Variants in ZC3H11A observed in about 807,000 individuals in gnomAD.
The protein encoded by ZC3H11A is zinc finger CCCH domain-containing protein 11A.
Under a neutral mutation model 90.8 loss-of-function variants are expected in ZC3H11A, and 22 were observed. That is an observed-to-expected ratio of 0.24 (90% CI 0.17 to 0.35). ZC3H11A has a LOEUF of 0.35. Ranked by LOEUF, ZC3H11A falls within the 10% of genes least tolerant of loss-of-function variation. The pLI, the probability that ZC3H11A is intolerant of heterozygous loss-of-function variation, is 1.00. For synonymous variants in ZC3H11A, 294 were observed against 339.8 expected (o/e 0.87, Z 1.48); for missense variants, 701 against 964.9 (o/e 0.73, Z 3.62).
chr1:203,833,683 T>G, intron 9 of ZC3H11A, 108 bp from the exon 10 acceptor site: 1 of 777,312 alleles, frequency 1.3e-6, no homozygotes, highest in East Asian at 3.4e-5. Context: ...TCAAGAGACT[T>G]TCTGGGTGGA....
chr1:203,825,555 C>T (rs1013292417), intron 4 of ZC3H11A, among the ~76,000 whole-genome samples: 1 of 151,668 alleles, frequency 6.6e-6, no homozygotes, highest in Non-Finnish European at 1.5e-5. Context: ...CTGTCTCAGC[C>T]TCCCGCATAG....
At chr1:203,832,940 A>G (rs900866120) in intron 9 of ZC3H11A, among the ~76,000 whole-genome samples, 1 of 152,202 alleles carries the variant, frequency 6.6e-6, no homozygotes, top group Non-Finnish European at 1.5e-5. Flanking sequence ...ATTAATAATT[A>G]GTACTATTCT....
At chr1:203,836,928 C>T (rs1684534486) in intron 10 of ZC3H11A, among the ~76,000 whole-genome samples, 1 of 152,152 alleles carries the variant, frequency 6.6e-6, no homozygotes, top group Non-Finnish European at 1.5e-5. Context: ...AGTCTTCATA[C>T]TAAAAAACTT....
In ZC3H11A at chr1:203,802,714, CTTT is replaced by C. The variant is rs150416242; in HGVS notation, c.-441_-439del. 7.6e-6 allele frequency: 1 copy of C among 131,660 alleles called. No homozygotes were observed. Among genetic ancestry groups the C allele is most frequent in the African/African-American group, 2.7e-5 (1 of 36,472 alleles). 8.2% of individuals were successfully genotyped at this position (131,660 alleles called of 1,614,324 possible). A position where few individuals can be genotyped will look rare whatever the true frequency, so the allele number is the denominator to read the frequency against. ...TCTCAAGTTCATCTTTAAATGAACT[CTTT>C]TTTTTTGTTTTTTTTTTGTTTTGTT... is the stretch of plus-strand genomic sequence containing the variant. On this transcript the variant is annotated 5_prime_UTR_variant, in exon 2 of 18. Transcript: ENST00000367210.
Position 203,819,093 on chromosome 1 carries a change from C to T in ZC3H11A, c.174+404C>T, listed in dbSNP as rs202098874. ...AAAAAAAAAAATATATATATATACA[C>T]ACACACACACACACACACACACACA... is the stretch of plus-strand genomic sequence containing the variant. On this transcript the variant is annotated intron_variant, in intron 4 of 17. Transcript: ENST00000367210. Among the ~76,000 whole-genome samples the T allele has an allele frequency of 6.9e-3, 364 of 52,724 alleles. 2 individuals carry two copies. The highest frequency in any genetic ancestry group is 0.01 in the African/African-American group (232 of 22,756). 34.6% of individuals were successfully genotyped at this position (52,724 alleles called of 152,430 possible). A position where few individuals can be genotyped will look rare whatever the true frequency, so the allele number is the denominator to read the frequency against.
intron 11 of ZC3H11A, among the ~76,000 whole-genome samples, chr1:203,838,844 T>C (rs1271879876): frequency 6.6e-6 from 1 of 151,220 alleles, no homozygotes; most frequent in Admixed American, 6.6e-5. Flanking sequence ...TCCCAGCTAC[T>C]TGGGAGGCTG....
chr1:203,845,206 A>C (rs1687561223), intron 12 of ZC3H11A, among the ~76,000 whole-genome samples: 1 of 152,154 alleles, frequency 6.6e-6, no homozygotes. Flanking sequence ...TGCCAGTGAC[A>C]TCCTTATTTC....
At position 203,804,353 on chromosome 1, in the gene ZC3H11A, C is replaced by T. The variant is rs986409599; in HGVS notation, c.-146+1337C>T. On this transcript the variant is annotated intron_variant, in intron 2 of 17. Transcript: ENST00000367210. The stretch of plus-strand genomic sequence containing the variant: ...ATTTTTAGTAGAGACGGGGTTTCAC[C>T]GTGTTAGACAGGATGGTCTCCATCT... 8.6e-5 allele frequency among the ~76,000 whole-genome samples: 13 copies of T among 152,020 alleles called. No homozygotes were observed. The South Asian group carries it at 2.5e-3, about 29-fold the overall frequency.
intron 3 of ZC3H11A, among the ~76,000 whole-genome samples, 180 bp downstream of exon 3, chr1:203,817,304 A>G (rs1553262262): frequency 6.6e-6 from 1 of 151,764 alleles, no homozygotes; most frequent in East Asian, 1.9e-4. Context: ...TTTTCTTTTC[A>G]TTTTATATAT....
At chr1:203,837,538 T>C (rs1394853414) in intron 10 of ZC3H11A, among the ~76,000 whole-genome samples, 1 of 151,864 alleles carries the variant, frequency 6.6e-6, no homozygotes, top group Non-Finnish European at 1.5e-5. Context: ...AGTATTATGA[T>C]CATAGCTCAC....
At chr1:203,819,007 T>A (rs1346532509) in intron 4 of ZC3H11A, among the ~76,000 whole-genome samples, 2 of 150,322 alleles carry the variant, frequency 1.3e-5, no homozygotes, top group African/African-American at 4.9e-5. Flanking sequence ...AGTTGGAGGT[T>A]GCAGTGAGCT....
intron 10 of ZC3H11A, among the ~76,000 whole-genome samples, chr1:203,834,379 C>A (rs1291601701): frequency 6.6e-6 from 1 of 152,092 alleles, no homozygotes; most frequent in Non-Finnish European, 1.5e-5. Flanking sequence ...TCAAGTGATC[C>A]TCCTGCCCCA....
At chr1:203,797,864 T>C in intron 1 of ZC3H11A, 1 of 1,536,090 alleles carries the variant, frequency 6.5e-7, no homozygotes, top group Non-Finnish European at 8.7e-7. Context: ...AAGAAAGTCT[T>C]TTTGAGAGCA....
intron 2 of ZC3H11A, among the ~76,000 whole-genome samples, chr1:203,813,647 A>G (rs547650912): frequency 4.6e-5 from 7 of 152,264 alleles, no homozygotes; most frequent in African/African-American, 1.2e-4. Flanking sequence ...TTGTCTCACA[A>G]TTCTGAAGGT....
At chr1:203,838,117 C>T in intron 11 of ZC3H11A, 53 bp downstream of exon 11, 1 of 1,509,636 alleles carries the variant, frequency 6.6e-7, no homozygotes, top group African/African-American at 1.4e-5. Context: ...ACACTTGTGT[C>T]TTGTAATGCT....
chr1:203,832,870 G>C (rs17482973), intron 9 of ZC3H11A, among the ~76,000 whole-genome samples: 27,313 of 152,156 alleles, frequency 0.18, 2,594 homozygotes, highest in Middle Eastern at 0.26. Flanking sequence ...TAAGCAAAAG[G>C]ATAGTTTCAG....
intron 4 of ZC3H11A, among the ~76,000 whole-genome samples, chr1:203,820,764 G>C (rs1678352720): frequency 6.6e-6 from 1 of 152,116 alleles, no homozygotes; most frequent in Admixed American, 6.6e-5. Flanking sequence ...ACAGGTGTGA[G>C]CCACGCCCGG....
intron 1 of ZC3H11A, chr1:203,797,305 A>G: frequency 2.6e-6 from 1 of 390,510 alleles, no homozygotes; most frequent in Non-Finnish European, 4.5e-6. Context: ...ATTGGAAGGG[A>G]CCTTAAAGCC....
intron 12 of ZC3H11A, among the ~76,000 whole-genome samples, chr1:203,843,879 T>C (rs946786782): frequency 2.6e-4 from 40 of 152,206 alleles, no homozygotes; most frequent in African/African-American, 9.1e-4. Context: ...TTTTTTGAGA[T>C]GGAGTTTCGC....
Sources: gnomAD v4.1 joint callset for allele counts (sites outside exome capture counted in the v4.1 genomes callset) on GRCh38, gnomAD v4.1.1 for gene constraint, MANE v1.5 for transcripts, NCBI Gene and HGNC (gene_info 2026-07-23, HGNC 2026-07-21) for gene names.